The following TTC6 variants were observed in gnomAD, a reference collection of about 807,000 sequenced individuals.
TTC6 encodes the protein tetratricopeptide repeat domain 6, also known as tetratricopeptide repeat protein 6.
Under a neutral mutation model 210.4 loss-of-function variants are expected in TTC6, and 172 were observed. The ratio of observed to expected loss-of-function variants is 0.82; its 90% CI spans 0.72 to 0.93. The LOEUF is 0.93. Among genes scored for constraint, TTC6 ranks in the 40% least tolerant of loss-of-function variants. The pLI is 0.00. For synonymous variants in TTC6, 804 were observed against 819.6 expected (o/e 0.98, Z 0.32); for missense variants, 2,414 against 2,318.1 (o/e 1.04, Z -0.85).
chr14:37,826,073 C>G (rs2096170555), intron 27 of TTC6, 122 bp from the exon 30 acceptor site: 2 of 1,047,398 alleles, frequency 1.9e-6, no homozygotes, highest in Non-Finnish European at 2.6e-6. Context: ...TTTGAAAGAA[C>G]TTAGATTTAG....
exon 10 of TTC6, chr14:37,738,913 G>A (rs2095909653): frequency 2.0e-6 from 3 of 1,535,350 alleles, no homozygotes; most frequent in Non-Finnish European, 2.6e-6. Context: ...AGCTCACTAA[G>A]CAAAATAAAA....
chr14:37,790,666 C>T, intron 15 of TTC6, 51 bp from the exon 18 acceptor site: 9 of 1,430,108 alleles, frequency 6.3e-6, no homozygotes, highest in Non-Finnish European at 7.6e-6. Flanking sequence ...TATAATTTAC[C>T]TATGGTTATT....
At chr14:37,676,860 C>T (rs979790851) in intron 1 of TTC6, among the ~76,000 whole-genome samples, 5 of 151,930 alleles carry the variant, frequency 3.3e-5, no homozygotes, top group Admixed American at 2.6e-4. Flanking sequence ...TGTCGAAAGT[C>T]GATTGAGCAT....
chr14:37,705,691 G>C (rs947415663), intron 5 of TTC6, among the ~76,000 whole-genome samples: 1 of 152,152 alleles, frequency 6.6e-6, no homozygotes, highest in African/African-American at 2.4e-5. Flanking sequence ...ACTGCCCTCA[G>C]GGAACCTGGA....
At chr14:37,749,715 T>C in exon 12 of TTC6, 1 of 1,398,498 alleles carries the variant, frequency 7.2e-7, no homozygotes, top group Non-Finnish European at 9.3e-7. Flanking sequence ...ATTTTCTAGG[T>C]AATACTCTTG....
intron 29 of TTC6, among the ~76,000 whole-genome samples, chr14:37,832,642 G>T (rs1443905822): frequency 6.6e-6 from 1 of 151,842 alleles, no homozygotes; most frequent in African/African-American, 2.4e-5. Context: ...TCTTGTTGTT[G>T]ATGTTTTATT....
intron 20 of TTC6, among the ~76,000 whole-genome samples, chr14:37,799,516 A>G (rs1010412657): frequency 6.6e-6 from 1 of 152,080 alleles, no homozygotes; most frequent in Non-Finnish European, 1.5e-5. Flanking sequence ...TGTGAGTGGA[A>G]CCTATGTCTC....
At chr14:37,712,694 A>G (rs907301954) in intron 5 of TTC6, among the ~76,000 whole-genome samples, 4 of 152,088 alleles carry the variant, frequency 2.6e-5, no homozygotes, top group African/African-American at 9.7e-5. Context: ...TTATGAAACC[A>G]TCAGCTCTTG....
chr14:37,665,839 T>C (rs968898790), intron 1 of TTC6, among the ~76,000 whole-genome samples: 31 of 150,264 alleles, frequency 2.1e-4, no homozygotes, highest in African/African-American at 7.5e-4. Context: ...TGTGATGAGA[T>C]ACTCAGACTC....
At chr14:37,716,007 C>G (rs1033071490) in intron 6 of TTC6, among the ~76,000 whole-genome samples, 3 of 137,978 alleles carry the variant, frequency 2.2e-5, no homozygotes, top group African/African-American at 7.7e-5. Flanking sequence ...ATTTATCATG[C>G]TGATGTGGTT....
chr14:37,597,635 A>G (rs2095607090), intron 1 of TTC6, among the ~76,000 whole-genome samples: 1 of 152,182 alleles, frequency 6.6e-6, no homozygotes, highest in African/African-American at 2.4e-5. Flanking sequence ...TCAAAGCCCA[A>G]GACCGGTGAT....
At chr14:37,766,170 TCC>T (rs2095998715) in intron 14 of TTC6, among the ~76,000 whole-genome samples, 1 of 152,308 alleles carries the variant, frequency 6.6e-6, no homozygotes, top group Admixed American at 6.5e-5. Flanking sequence ...CTTTTTCTCT[TCC>T]TTCTGGAACT....
At chr14:37,684,137 A>G (rs1172670402) in intron 3 of TTC6, among the ~76,000 whole-genome samples, 2 of 152,148 alleles carry the variant, frequency 1.3e-5, no homozygotes, top group Admixed American at 6.6e-5. Flanking sequence ...GTTTACATAT[A>G]AATCAATCTC....
chr14:37,631,499 T>G (rs911145594), intron 1 of TTC6, among the ~76,000 whole-genome samples: 12 of 152,238 alleles, frequency 7.9e-5, no homozygotes, highest in Middle Eastern at 3.2e-3. Flanking sequence ...TCTGATGGGC[T>G]TCCCTTTGTG....
At chr14:37,796,512 C>G in intron 19 of TTC6, 142 bp downstream of exon 21, 1 of 530,178 alleles carries the variant, frequency 1.9e-6, no homozygotes, top group South Asian at 3.1e-5. Flanking sequence ...ATGTACATTG[C>G]CAATTAGTAA....
At chr14:37,709,938 G>A (rs1295284049) in intron 5 of TTC6, among the ~76,000 whole-genome samples, 1 of 152,112 alleles carries the variant, frequency 6.6e-6, no homozygotes, top group Non-Finnish European at 1.5e-5. Flanking sequence ...AACATTCTCT[G>A]TAAGTTAATG....
At position 37,760,753 on chromosome 14, in the gene TTC6, C is replaced by T. The variant is rs543833184; in HGVS notation, c.3266+7518C>T. On this transcript the variant is annotated intron_variant, in intron 14 of 30. Transcript: ENST00000553443. ...TCTAGAGAGGCAGTCTGGCCACAGC[C>T]GCTTTGCCGCACTGTGGTGAATTCC... 6.1e-4 allele frequency among the ~76,000 whole-genome samples: 93 copies of T among 152,262 alleles called. No homozygotes were observed. The South Asian group carries it at 7.7e-3, about 13-fold the overall frequency.
intron 1 of TTC6, among the ~76,000 whole-genome samples, chr14:37,600,570 G>A (rs1242612965): frequency 1.3e-5 from 2 of 152,006 alleles, no homozygotes. Flanking sequence ...ATTCATATGT[G>A]ATTACCCTCA....
At chr14:37,793,621 G>A (rs1013748961) in intron 17 of TTC6, among the ~76,000 whole-genome samples, 1 of 152,314 alleles carries the variant, frequency 6.6e-6, no homozygotes, top group Non-Finnish European at 1.5e-5. Flanking sequence ...TACTCATAGT[G>A]TGTGGTTCTT....
Sources: allele counts gnomAD v4.1 joint callset (sites outside exome capture counted in the v4.1 genomes callset), GRCh38; gene constraint gnomAD v4.1.1; transcripts MANE v1.5; gene names NCBI Gene and HGNC (gene_info 2026-07-23, HGNC 2026-07-21).